SUSD6: variants seen among roughly 807,000 people sequenced by gnomAD.
The protein encoded by SUSD6 is sushi domain containing 6, also known as sushi domain-containing protein 6.
Under a neutral mutation model 28.4 loss-of-function variants are expected in SUSD6, and 16 were observed. The ratio of observed to expected loss-of-function variants is 0.56; its 90% CI spans 0.38 to 0.86. The LOEUF is 0.86. SUSD6 is among the 40% of genes least tolerant of loss of function. SUSD6 has a pLI of 0.00. For missense variants in SUSD6, 341 were observed against 384.2 expected, an observed-to-expected ratio of 0.89 and a Z score of 0.94; for synonymous variants, 147 against 159.6, an observed-to-expected ratio of 0.92 and a Z score of 0.59.
chr14:69,614,090 T>C (rs915441166), intron 1 of SUSD6, among the ~76,000 whole-genome samples: 1 of 152,134 alleles, frequency 6.6e-6, no homozygotes, highest in Non-Finnish European at 1.5e-5. Context: ...TTTTTTGAGA[T>C]GGAGTCTCGC....
intron 1 of SUSD6, among the ~76,000 whole-genome samples, chr14:69,631,596 G>C (rs775826667): frequency 1.2e-4 from 18 of 152,190 alleles, no homozygotes. Context: ...GCTTACATCT[G>C]TGCGCAGTGA....
Position 69,711,258 on chromosome 14 carries a change from C to G in SUSD6, c.*279C>G, listed in dbSNP as rs1231822719. 1.0e-5 allele frequency: 5 copies of G among 500,374 alleles called. No individual in the cohort carries two copies. The highest frequency in any genetic ancestry group is 7.0e-5 in the Admixed American group (2 of 28,748). 31.0% of individuals were successfully genotyped at this position (500,374 alleles called of 1,614,324 possible). ...ATTTGAATGTGCTGGATCAAACCCT[C>G]CCTTTTCCTAAGCCTCTGGGTCCCC... On this transcript the variant is annotated 3_prime_UTR_variant, in exon 6 of 6. Coordinates refer to ENST00000342745, the MANE Select transcript of SUSD6 (RefSeq NM_014734.4).
At chr14:69,637,741 G>C (rs953623963) in intron 1 of SUSD6, among the ~76,000 whole-genome samples, 1 of 152,178 alleles carries the variant, frequency 6.6e-6, no homozygotes, top group Admixed American at 6.5e-5. Flanking sequence ...AGGCAAGCAC[G>C]TGCAGATTGC....
At chr14:69,624,085 G>T (rs567475581) in intron 1 of SUSD6, among the ~76,000 whole-genome samples, 5 of 152,178 alleles carry the variant, frequency 3.3e-5, no homozygotes, top group Admixed American at 6.5e-5. Context: ...AGTCCTGCAA[G>T]CCCCATTCGT....
At chr14:69,632,751 T>TCTCA (rs1885214154) in intron 1 of SUSD6, among the ~76,000 whole-genome samples, 1 of 151,958 alleles carries the variant, frequency 6.6e-6, no homozygotes. Flanking sequence ...GACCCTAGCA[T>TCTCA]TTGGTGTTCA....
intron 4 of SUSD6, among the ~76,000 whole-genome samples, chr14:69,705,106 A>G (rs953698995): frequency 8.5e-5 from 13 of 152,124 alleles, no homozygotes; most frequent in Admixed American, 8.5e-4. Context: ...GCCTGAGGTC[A>G]GGAGTTTGAG....
intron 2 of SUSD6, among the ~76,000 whole-genome samples, chr14:69,698,385 C>G (rs928519314): frequency 6.6e-6 from 1 of 152,166 alleles, no homozygotes; most frequent in African/African-American, 2.4e-5. Context: ...CCTTCTCCTA[C>G]TCAACCCTAA....
chr14:69,656,245 C>G (rs1173817926), intron 1 of SUSD6, among the ~76,000 whole-genome samples: 1 of 146,992 alleles, frequency 6.8e-6, no homozygotes, highest in Non-Finnish European at 1.5e-5. Flanking sequence ...TCTAGGCAGT[C>G]TTTCCTGACT....
intron 1 of SUSD6, among the ~76,000 whole-genome samples, chr14:69,637,189 C>T (rs911490273): frequency 3.3e-5 from 5 of 152,124 alleles, no homozygotes; most frequent in Admixed American, 2.6e-4. Context: ...TCTGCTCTGT[C>T]TGGCTAATAC....
At chr14:69,688,501 C>T (rs908695836) in intron 2 of SUSD6, among the ~76,000 whole-genome samples, 1 of 152,200 alleles carries the variant, frequency 6.6e-6, no homozygotes, top group African/African-American at 2.4e-5. Flanking sequence ...TTTCTGGATC[C>T]AGTCCTCCAG....
intron 5 of SUSD6, among the ~76,000 whole-genome samples, chr14:69,709,489 C>T (rs1470950016): frequency 6.6e-6 from 1 of 152,220 alleles, no homozygotes; most frequent in Non-Finnish European, 1.5e-5. Flanking sequence ...ATGAGAGCCT[C>T]TCCAGAGCAG....
chr14:69,639,954 C>CTTTTTTTTTTT (rs1555343334), intron 1 of SUSD6, among the ~76,000 whole-genome samples: 2 of 45,646 alleles, frequency 4.4e-5, no homozygotes, highest in South Asian at 9.4e-4. Context: ...GGCACCTACA[C>CTTTTTTTTTTT]TGTTTTTTTT....
rs930553091 is a variant in SUSD6 at position 69,715,012 on chromosome 14, T to G, written c.*4033T>G. On this transcript the variant is annotated 3_prime_UTR_variant, in exon 6 of 6. Transcript: ENST00000342745. Reference sequence around the variant, plus strand: ...TTTATTTTATTTTATATATATATTTTTTGGTATCCTGTACATTGCAGTGGG... The same window carrying G: ...TTTATTTTATTTTATATATATATTTGTTGGTATCCTGTACATTGCAGTGGG... The G allele has an allele frequency of 9.2e-5, 14 of 152,310 alleles. No homozygotes were observed. Among genetic ancestry groups the G allele is most frequent in the Admixed American group, 9.2e-4 (14 of 15,298 alleles). The allele number at this position is 152,310 out of a possible 1,614,324, so 9.4% of individuals were successfully genotyped here. A position where few individuals can be genotyped will look rare whatever the true frequency, so the allele number is the denominator to read the frequency against.
At chr14:69,620,902 G>A (rs1885028561) in intron 1 of SUSD6, among the ~76,000 whole-genome samples, 1 of 152,186 alleles carries the variant, frequency 6.6e-6, no homozygotes, top group African/African-American at 2.4e-5. Context: ...TCAGTGGCAT[G>A]AATTCCTTAG....
intron 1 of SUSD6, among the ~76,000 whole-genome samples, chr14:69,646,948 G>A (rs1364161707): frequency 1.3e-5 from 2 of 152,068 alleles, no homozygotes; most frequent in African/African-American, 2.4e-5. Context: ...TGATCCGCCC[G>A]CCTTGGCTTC....
chr14:69,682,744 G>T (rs148571725), intron 2 of SUSD6, among the ~76,000 whole-genome samples: 10 of 152,202 alleles, frequency 6.6e-5, no homozygotes, highest in Admixed American at 2.0e-4. Context: ...GTGGCACCTT[G>T]GGCAATATCA....
intron 1 of SUSD6, among the ~76,000 whole-genome samples, chr14:69,619,218 T>A (rs958221024): frequency 1.3e-5 from 2 of 152,222 alleles, no homozygotes; most frequent in Non-Finnish European, 2.9e-5. Flanking sequence ...AAGTTACTTC[T>A]GTGATTGTAG....
chr14:69,612,893 C>T (rs1026963148), intron 1 of SUSD6, among the ~76,000 whole-genome samples: 2 of 152,186 alleles, frequency 1.3e-5, no homozygotes, highest in African/African-American at 4.8e-5. Flanking sequence ...TTGCTGTTTT[C>T]GTTCCTCTGG....
chr14:69,619,342 G>A (rs776521431), intron 1 of SUSD6, among the ~76,000 whole-genome samples: 6 of 152,222 alleles, frequency 3.9e-5, no homozygotes, highest in Non-Finnish European at 8.8e-5. Flanking sequence ...TGCCTATGGA[G>A]CAGCCATTCT....
Sources: gnomAD v4.1 joint callset for allele counts (sites outside exome capture counted in the v4.1 genomes callset) on GRCh38, gnomAD v4.1.1 for gene constraint, MANE v1.5 for transcripts, NCBI Gene and HGNC (gene_info 2026-07-23, HGNC 2026-07-21) for gene names.